FCHO1: variants seen among roughly 807,000 people sequenced by gnomAD.
FCHO1 encodes the protein FCH and mu domain containing endocytic adaptor 1.
Under a neutral mutation model 114.4 loss-of-function variants are expected in FCHO1, and 45 were observed. The ratio of observed to expected loss-of-function variants is 0.39; its 90% confidence interval spans 0.31 to 0.50. FCHO1 has a LOEUF of 0.50. Ranked by LOEUF, FCHO1 falls within the 20% of genes least tolerant of loss-of-function variation. The pLI is 0.77. For synonymous variants in FCHO1, 480 were observed against 488.9 expected (o/e 0.98, Z 0.24); for missense variants, 1,042 against 1,209.6 (o/e 0.86, Z 2.06).
At chr19:17,772,054 A>T (rs8103519) in intron 9 of FCHO1, among the ~76,000 whole-genome samples, 4 of 152,080 alleles carry the variant, frequency 2.6e-5, no homozygotes, top group Non-Finnish European at 5.9e-5. Flanking sequence ...CAGATGATCC[A>T]CCTGCCTTGG....
Position 17,788,316 on chromosome 19 carries a change from T to C in FCHO1, c.*10T>C. Reference sequence around the variant, plus strand: ...CCTGGTGAGCTGCTGAACCCGCAAATGCTGCTGCCCCAGCTCTACACTGCG... The same window carrying C: ...CCTGGTGAGCTGCTGAACCCGCAAACGCTGCTGCCCCAGCTCTACACTGCG... On this transcript the variant is annotated 3_prime_UTR_variant, in exon 29 of 29. Transcript: ENST00000596536. 7.6e-7 allele frequency: 1 copy of C among 1,311,782 alleles called. No individual in the cohort carries two copies. Among genetic ancestry groups the C allele is most frequent in the Non-Finnish European group, 1.0e-6 (1 of 1,004,534 alleles). 81.3% of individuals were successfully genotyped at this position (1,311,782 alleles called of 1,614,324 possible). A position where few individuals can be genotyped will look rare whatever the true frequency, so the allele number is the denominator to read the frequency against.
chr19:17,766,535 T>A (rs548941586), intron 6 of FCHO1, 134 bp from the exon 7 acceptor site: 3 of 1,162,736 alleles, frequency 2.6e-6, no homozygotes, highest in Non-Finnish European at 3.6e-6. Flanking sequence ...ACAGCTGCCA[T>A]GGAGATTATA....
chr19:17,780,161 CTTTTT>C (rs11400972), intron 20 of FCHO1, among the ~76,000 whole-genome samples: 2 of 103,366 alleles, frequency 1.9e-5, no homozygotes, highest in African/African-American at 3.7e-5. Flanking sequence ...AGAAGAAGCT[CTTTTT>C]TTTTTTTTTT....
At chr19:17,759,186 GC>G (rs1483778698) in intron 4 of FCHO1, among the ~76,000 whole-genome samples, 2 of 146,604 alleles carry the variant, frequency 1.4e-5, no homozygotes, top group Non-Finnish European at 3.0e-5. Flanking sequence ...CTGATTTGGT[GC>G]TAAAATGTCC....
intron 21 of FCHO1, 47 bp downstream of exon 21, chr19:17,781,390 G>C (rs1030688496): frequency 1.2e-6 from 2 of 1,609,516 alleles, no homozygotes; most frequent in Non-Finnish European, 1.7e-6. Context: ...TCGCGTCTGG[G>C]GTCCGCTTTT....
chr19:17,784,741 C>G lies in FCHO1; in HGVS notation c.2243C>G (p.Pro748Arg), dbSNP rs759802709. The change falls in exon 26 of 29, where the codon CCC becomes CGC. Residue 748 changes from proline (P) to arginine (R), a missense_variant. Transcript: ENST00000596536. The surrounding 1 kb of genome is among the most constrained non-coding windows in gnomAD (Gnocchi z 5.3). ...LLRYQFSRPG[P>R]QSVPLQLSAH... ...TCTTCCTAGTTCTCCCGCCCGGGTCCCCAGTCTGTGCCTCTGCAGCTCAGT... is the reference window on the plus strand; with the variant it reads ...TCTTCCTAGTTCTCCCGCCCGGGTCGCCAGTCTGTGCCTCTGCAGCTCAGT... The G allele has an allele frequency of 1.2e-6, 2 of 1,614,084 alleles. No homozygotes were observed. Among genetic ancestry groups the G allele is most frequent in the Non-Finnish European group, 1.7e-6 (2 of 1,180,028 alleles).
At chr19:17,764,271 C>T (rs1486542535) in intron 5 of FCHO1, 104 bp from the exon 6 acceptor site, 1 of 1,175,178 alleles carries the variant, frequency 8.5e-7, no homozygotes, top group Non-Finnish European at 1.3e-6. Context: ...GAACTCCTAA[C>T]CTCAGGTGAT....
chr19:17,786,807 C>A (rs887800002), intron 27 of FCHO1, among the ~76,000 whole-genome samples, 178 bp downstream of exon 27: 3 of 151,920 alleles, frequency 2.0e-5, no homozygotes, highest in Non-Finnish European at 4.4e-5. Context: ...AATCCCAGTG[C>A]TTTGGGAGGC....
upstream of FCHO1, among the ~76,000 whole-genome samples, chr19:17,748,382 G>C (rs1348736093): frequency 6.6e-6 from 1 of 152,090 alleles, no homozygotes; most frequent in East Asian, 1.9e-4. Flanking sequence ...ATGGGGTGGG[G>C]GGCGTTTCAC....
chr19:17,764,737 T>TTTA (rs2146673795), intron 6 of FCHO1, among the ~76,000 whole-genome samples: 1 of 152,236 alleles, frequency 6.6e-6, no homozygotes, highest in African/African-American at 2.4e-5. Flanking sequence ...AGATGTTAAA[T>TTTA]ACAAACAAAA....
At chr19:17,782,528 A>G (rs185064757) in intron 23 of FCHO1, among the ~76,000 whole-genome samples, 292 of 152,308 alleles carry the variant, frequency 1.9e-3, no homozygotes, top group Middle Eastern at 3.4e-3. Context: ...AAGCAGGGCT[A>G]TGCATTGCTG....
chr19:17,781,708 C>G lies in FCHO1; in HGVS notation c.1829-4C>G, dbSNP rs1021965765. 6.3e-7 allele frequency: 1 copy of G among 1,599,258 alleles called. No homozygotes were observed. The highest frequency in any genetic ancestry group is 8.5e-7 in the Non-Finnish European group (1 of 1,172,522). On this transcript the variant is annotated splice_region_variant and splice_polypyrimidine_tract_variant and intron_variant, in intron 22 of 28. Coordinates refer to ENST00000596536, the MANE Select transcript of FCHO1 (RefSeq NM_015122.3). ...GTTCCCCATTCCCTCTCCACCACCC[C>G]CAGGAGTCTCCCGGGGTCCGAGCCC...
chr19:17,761,682 C>T (rs924977445), intron 4 of FCHO1, among the ~76,000 whole-genome samples: 12 of 149,658 alleles, frequency 8.0e-5, no homozygotes, highest in South Asian at 2.1e-4. Context: ...CGCCCTGAGA[C>T]GGAGTCTTCC....
upstream of FCHO1, among the ~76,000 whole-genome samples, chr19:17,747,974 T>TC (rs984383891): frequency 6.6e-6 from 1 of 151,778 alleles, no homozygotes; most frequent in Non-Finnish European, 1.5e-5. Context: ...CGCCCCGGCT[T>TC]CCCCCTCCAA....
chr19:17,776,579 T>A lies in FCHO1; in HGVS notation c.1208-56T>A. 6.3e-7 allele frequency: 1 copy of A among 1,592,840 alleles called. No homozygotes were observed. Among genetic ancestry groups the A allele is most frequent in the East Asian group, 2.2e-5 (1 of 44,742 alleles). The stretch of plus-strand genomic sequence containing the variant: ...AGCCTCGGTCCCTTGGTCTGTGGAG[T>A]GGGGAGCATTGCAGGCAGGGTGACA... On this transcript the variant is annotated intron_variant, in intron 17 of 28. Coordinates refer to ENST00000596536, the MANE Select transcript of FCHO1 (RefSeq NM_015122.3). The surrounding 1 kb of genome is among the most constrained non-coding windows in gnomAD (Gnocchi z 4.4).
intron 20 of FCHO1, among the ~76,000 whole-genome samples, chr19:17,779,300 G>C (rs2093067035): frequency 6.6e-6 from 1 of 152,086 alleles, no homozygotes; most frequent in South Asian, 2.1e-4. Context: ...GGAAGGGCCT[G>C]ATGGGCCCAG....
chr19:17,786,697 G>A (rs376445791), intron 27 of FCHO1, 68 bp downstream of exon 27: 1 of 1,539,364 alleles, frequency 6.5e-7, no homozygotes, highest in Non-Finnish European at 8.9e-7. Context: ...ACTTATTTAT[G>A]TTGGGGAAGA....
At chr19:17,756,797 G>C (rs1166107196) in intron 4 of FCHO1, among the ~76,000 whole-genome samples, 1 of 152,184 alleles carries the variant, frequency 6.6e-6, no homozygotes, top group East Asian at 1.9e-4. Context: ...GGATGCCCCA[G>C]TCTCATTGCG....
At chr19:17,774,562 A>G in intron 13 of FCHO1, 84 bp downstream of exon 13, 2 of 1,055,218 alleles carry the variant, frequency 1.9e-6, no homozygotes, top group Non-Finnish European at 2.8e-6. Context: ...GTCCCCTCCT[A>G]GGATAGCCCA....
Sources: allele counts gnomAD v4.1 joint callset (sites outside exome capture counted in the v4.1 genomes callset), GRCh38; gene constraint gnomAD v4.1.1; non-coding constraint Gnocchi (gnomAD v3.1); transcripts MANE v1.5; gene names NCBI Gene and HGNC (gene_info 2026-07-23, HGNC 2026-07-21).